Variants in AHCYL2 observed in about 807,000 individuals in gnomAD.
AHCYL2 encodes the protein S-adenosylhomocysteine hydrolase-like protein 2.
AHCYL2 carries 28 observed loss-of-function variants against 81.4 expected under a neutral mutation model. The ratio of observed to expected loss-of-function variants is 0.34; its 90% CI spans 0.25 to 0.47. The LOEUF (loss-of-function observed/expected upper bound fraction) is 0.47. Among genes scored for constraint, AHCYL2 ranks in the 20% least tolerant of loss-of-function variants. The pLI, the probability that AHCYL2 is intolerant of heterozygous loss-of-function variation, is 1.00. For synonymous variants in AHCYL2, 272 were observed against 290.2 expected (o/e 0.94, Z 0.64); for missense variants, 551 against 785.1 (o/e 0.70, Z 3.56).
rs201786830 is a variant in AHCYL2, at chr7:129,366,599, C to T, written c.364-13039C>T. ...GAGTTTGAGACCAGCCTCAACATGGCGAAACCCTGTCTACTAAAAATACAA... is the reference window on the plus strand; with the variant it reads ...GAGTTTGAGACCAGCCTCAACATGGTGAAACCCTGTCTACTAAAAATACAA... On this transcript the variant is annotated intron_variant, in intron 1 of 16. Transcript: ENST00000325006. 5.9e-5 allele frequency among the ~76,000 whole-genome samples: 9 copies of T among 152,042 alleles called. No homozygotes were observed. In the East Asian group the frequency reaches 1.2e-3, roughly 20 times the overall value.
At chr7:129,309,412 T>TG (rs1797562298) in intron 1 of AHCYL2, among the ~76,000 whole-genome samples, 1 of 151,828 alleles carries the variant, frequency 6.6e-6, no homozygotes, top group Non-Finnish European at 1.5e-5. Context: ...GGTAGGTACA[T>TG]GCCTGTAGTC....
At chr7:129,386,892 C>G (rs1304451891) in intron 2 of AHCYL2, among the ~76,000 whole-genome samples, 1 of 152,160 alleles carries the variant, frequency 6.6e-6, no homozygotes, top group African/African-American at 2.4e-5. Context: ...GTATATCATT[C>G]TTTTCCCATT....
chr7:129,341,422 AGAGGAAAGG>A (rs1793174825), intron 1 of AHCYL2, among the ~76,000 whole-genome samples: 2 of 152,192 alleles, frequency 1.3e-5, no homozygotes, highest in Admixed American at 6.5e-5. Context: ...TCACAAGGGT[AGAGGAAAGG>A]TGGATGTGGG....
At chr7:129,328,727 C>T (rs932279293) in intron 1 of AHCYL2, among the ~76,000 whole-genome samples, 3 of 152,026 alleles carry the variant, frequency 2.0e-5, no homozygotes, top group African/African-American at 7.2e-5. Context: ...CTCAAATGAG[C>T]CACCCGTCTC....
intron 1 of AHCYL2, among the ~76,000 whole-genome samples, chr7:129,250,148 A>G (rs1193395904): frequency 6.6e-6 from 1 of 152,150 alleles, no homozygotes; most frequent in Non-Finnish European, 1.5e-5. Flanking sequence ...CAAAAAAAAA[A>G]GTTAGCTGGG....
chr7:129,238,640 A>T (rs1275576782), intron 1 of AHCYL2, among the ~76,000 whole-genome samples: 2 of 152,060 alleles, frequency 1.3e-5, no homozygotes, highest in Admixed American at 6.5e-5. Context: ...GTGAAACCCA[A>T]GAGGTTTCAC....
intron 1 of AHCYL2, among the ~76,000 whole-genome samples, chr7:129,269,857 A>G (rs1349662459): frequency 6.6e-6 from 1 of 152,224 alleles, no homozygotes; most frequent in Non-Finnish European, 1.5e-5. Context: ...TGTCAAATAA[A>G]TTATTTGTAA....
At chr7:129,344,553 GAA>G (rs2150820682) in intron 1 of AHCYL2, among the ~76,000 whole-genome samples, 1 of 152,262 alleles carries the variant, frequency 6.6e-6, no homozygotes, top group Non-Finnish European at 1.5e-5. Context: ...TATAGTAACA[GAA>G]CAGATCAGTG....
intron 1 of AHCYL2, among the ~76,000 whole-genome samples, chr7:129,241,923 C>T (rs1027849458): frequency 6.6e-6 from 1 of 151,750 alleles, no homozygotes; most frequent in East Asian, 1.9e-4. Context: ...ATTCATTCTC[C>T]TTTATCCCTT....
At chr7:129,425,290 T>C in intron 15 of AHCYL2, 149 bp downstream of exon 15, 1 of 678,320 alleles carries the variant, frequency 1.5e-6, no homozygotes. Flanking sequence ...TAGGTGCCAT[T>C]CCCATTTATT....
At chr7:129,298,212 G>C (rs1797121140) in intron 1 of AHCYL2, among the ~76,000 whole-genome samples, 1 of 152,146 alleles carries the variant, frequency 6.6e-6, no homozygotes, top group Non-Finnish European at 1.5e-5. Flanking sequence ...TTATAAATTA[G>C]GTTCATATTA....
At chr7:129,267,230 G>GGTGTGTGTGTGTGTATGTGTGTGTGTGT (rs1554472002) in intron 1 of AHCYL2, among the ~76,000 whole-genome samples, 16 of 59,218 alleles carry the variant, frequency 2.7e-4, no homozygotes, top group African/African-American at 6.9e-4. Flanking sequence ...TCACTCAAGG[G>GGTGTGTGTGTGTGTATGTGTGTGTGTGT]GTGTGTGTGT....
Position 129,419,781 on chromosome 7 carries a change from A to G in AHCYL2, c.1462-3059A>G, listed in dbSNP as rs1232520613. Among the ~76,000 whole-genome samples, 2 of 152,066 alleles carry G rather than the reference A, an allele frequency of 1.3e-5. No homozygotes were observed. The highest frequency in any genetic ancestry group is 1.9e-4 in the East Asian group (1 of 5,196). On this transcript the variant is annotated intron_variant, in intron 12 of 16. Transcript: ENST00000325006. The surrounding 1 kb of genome is among the most constrained non-coding windows in gnomAD (Gnocchi z 4.7). ...CCGGATATGCACTGTTCAGAATTAT[A>G]TAAGACCAATTTGTGCAAGCATAAT...
chr7:129,299,695 A>T (rs2150760777), intron 1 of AHCYL2, among the ~76,000 whole-genome samples: 1 of 152,178 alleles, frequency 6.6e-6, no homozygotes, highest in South Asian at 2.1e-4. Flanking sequence ...GCCCAGCCAG[A>T]TTCCAACTTT....
At chr7:129,309,106 C>T (rs1797548062) in intron 1 of AHCYL2, among the ~76,000 whole-genome samples, 1 of 152,092 alleles carries the variant, frequency 6.6e-6, no homozygotes. Context: ...GCGGCGGGCA[C>T]CTGTAATCCC....
At chr7:129,410,351 G>A (rs976363131) in intron 11 of AHCYL2, 16 of 1,614,084 alleles carry the variant, frequency 9.9e-6, no homozygotes, top group African/African-American at 4.0e-5. Context: ...CTCTAGGCGT[G>A]TTGGTTTCCG....
chr7:129,429,150 C>T lies in AHCYL2; in HGVS notation c.*2105C>T, dbSNP rs559290780. 1 of 152,114 alleles carries T rather than the reference C, an allele frequency of 6.6e-6. No individual in the cohort carries two copies. Among genetic ancestry groups the T allele is most frequent in the Admixed American group, 6.6e-5 (1 of 15,264 alleles). The allele number at this position is 152,114 out of a possible 1,614,324, so 9.4% of individuals were successfully genotyped here. A position where few individuals can be genotyped will look rare whatever the true frequency, so the allele number is the denominator to read the frequency against. On this transcript the variant is annotated 3_prime_UTR_variant, in exon 17 of 17. Coordinates refer to ENST00000325006, the MANE Select transcript of AHCYL2 (RefSeq NM_015328.4). The stretch of plus-strand genomic sequence containing the variant: ...TTCTGCCTTGCTGTAGTGAAGAGAC[C>T]CACTCCAAATAAAAAAGGGGCCACA...
intron 1 of AHCYL2, among the ~76,000 whole-genome samples, chr7:129,297,487 A>C (rs1797093724): frequency 6.6e-6 from 1 of 152,168 alleles, no homozygotes; most frequent in Non-Finnish European, 1.5e-5. Context: ...TGAGATAGGA[A>C]ATTTAGAATG....
intron 1 of AHCYL2, among the ~76,000 whole-genome samples, chr7:129,290,128 C>T (rs148806053): frequency 3.3e-5 from 5 of 152,214 alleles, no homozygotes; most frequent in Non-Finnish European, 7.4e-5. Flanking sequence ...GTGTCTTAGA[C>T]ATCTTTCTGT....
Sources: allele counts gnomAD v4.1 joint callset (sites outside exome capture counted in the v4.1 genomes callset), GRCh38; gene constraint gnomAD v4.1.1; non-coding constraint Gnocchi (gnomAD v3.1); transcripts MANE v1.5; gene names NCBI Gene and HGNC (gene_info 2026-07-23, HGNC 2026-07-21).